Variants in SGPP2 observed in about 807,000 individuals in gnomAD.
SGPP2 encodes the protein sphingosine-1-phosphate phosphatase 2.
In SGPP2, 30 loss-of-function variants were observed where a neutral mutation model predicts 33.9. The observed-to-expected ratio is 0.89, with a 90% CI of 0.66 to 1.20. The LOEUF (loss-of-function observed/expected upper bound fraction) is 1.20, where lower values mean the gene tolerates loss of function less well. SGPP2 is among the 50% of genes most tolerant of loss of function. SGPP2 has a pLI of 0.00. For synonymous variants in SGPP2, 233 were observed against 225.0 expected, an observed-to-expected ratio of 1.04 and a Z score of -0.32; for missense variants, 458 against 532.1, an observed-to-expected ratio of 0.86 and a Z score of 1.37.
At chr2:222,454,976 G>A (rs957012773) in intron 1 of SGPP2, among the ~76,000 whole-genome samples, 3 of 152,184 alleles carry the variant, frequency 2.0e-5, no homozygotes, top group African/African-American at 7.2e-5. Context: ...AACAGCCATT[G>A]TGTTGATGCC....
Position 222,462,978 on chromosome 2 carries a change from T to C in SGPP2, c.220-11590T>C, listed in dbSNP as rs1461352155. ...GTGTATGCACCCAACTTCAAAGCTT[T>C]TCCTGAGTTTATTTTTGTGACGAAT... On this transcript the variant is annotated intron_variant, in intron 1 of 4. Coordinates refer to ENST00000321276, the MANE Select transcript of SGPP2 (RefSeq NM_152386.4). 3.3e-5 allele frequency among the ~76,000 whole-genome samples: 5 copies of C among 152,196 alleles called. No individual in the cohort carries two copies. In the East Asian group the frequency reaches 9.6e-4, roughly 29 times the overall value.
chr2:222,548,185 G>A (rs1395593568), intron 4 of SGPP2, among the ~76,000 whole-genome samples: 2 of 152,178 alleles, frequency 1.3e-5, no homozygotes, highest in African/African-American at 2.4e-5. Context: ...TAAACAATAA[G>A]TTGAACAAAG....
rs61742017 is a variant in SGPP2, at chr2:222,558,772, C to G, written c.1074C>G (p.Thr358=). ...TATACTCATGGTTCAAGGTGGTCAC[C>G]AGGAACAAGGAGGCCAGGCGGAGAC... ...QVLYSWFKVV[T]RNKEARRRLE... is the part of the protein sequence containing the mutation. The change falls in exon 5 of 5, where the codon ACC becomes ACG. Residue 358 remains threonine, a synonymous_variant. Coordinates refer to ENST00000321276, the MANE Select transcript of SGPP2 (RefSeq NM_152386.4). 0.011 allele frequency: 17,389 copies of G among 1,614,064 alleles called. 538 individuals are homozygous for G. The African/African-American group carries it at 0.11, about 10-fold the overall frequency.
chr2:222,517,257 C>T (rs1001104967), intron 2 of SGPP2, among the ~76,000 whole-genome samples: 1 of 152,312 alleles, frequency 6.6e-6, no homozygotes, highest in Admixed American at 6.5e-5. Flanking sequence ...TTTCTCACCC[C>T]CCTATCCTGT....
intron 1 of SGPP2, among the ~76,000 whole-genome samples, chr2:222,474,216 T>C (rs1377714068): frequency 6.6e-6 from 1 of 152,204 alleles, no homozygotes; most frequent in African/African-American, 2.4e-5. Context: ...GAGGGAAGCA[T>C]TACTCTGCCT....
At chr2:222,511,955 G>A (rs1163582310) in intron 2 of SGPP2, among the ~76,000 whole-genome samples, 6 of 152,082 alleles carry the variant, frequency 3.9e-5, no homozygotes, top group African/African-American at 1.4e-4. Context: ...TGGGATTACA[G>A]GTATGAGCCA....
chr2:222,530,388 C>T (rs961899039), intron 4 of SGPP2, among the ~76,000 whole-genome samples: 22 of 152,336 alleles, frequency 1.4e-4, no homozygotes, highest in South Asian at 2.1e-4. Context: ...TACATTAAAA[C>T]GCTGTTGTGT....
Position 222,558,234 on chromosome 2 carries a change from A to G in SGPP2, c.649-113A>G, listed in dbSNP as rs918463520. 46 of 1,199,806 alleles carry G rather than the reference A, an allele frequency of 3.8e-5. 1 individual carries two copies. The Middle Eastern group carries it at 1.8e-3, about 46-fold the overall frequency. The allele number at this position is 1,199,806 out of a possible 1,614,324, so 74.3% of individuals were successfully genotyped here. A position where few individuals can be genotyped will look rare whatever the true frequency, so the allele number is the denominator to read the frequency against. On this transcript the variant is annotated intron_variant, in intron 4 of 4. Coordinates refer to ENST00000321276, the MANE Select transcript of SGPP2 (RefSeq NM_152386.4). ...CTTTGAACATGTACTGTAAAATAAAACAATGCAAAAATTGTGTTTTAAATA... is the reference window on the plus strand; with the variant it reads ...CTTTGAACATGTACTGTAAAATAAAGCAATGCAAAAATTGTGTTTTAAATA...
chr2:222,514,452 C>T (rs1698574306), intron 2 of SGPP2, among the ~76,000 whole-genome samples: 1 of 152,252 alleles, frequency 6.6e-6, no homozygotes, highest in Admixed American at 6.5e-5. Flanking sequence ...CCTGCCTCTG[C>T]CTCCCACAGT....
At chr2:222,499,817 G>A (rs1403355496) in intron 2 of SGPP2, among the ~76,000 whole-genome samples, 2 of 152,146 alleles carry the variant, frequency 1.3e-5, no homozygotes, top group African/African-American at 4.8e-5. Context: ...AGCTCTAAAT[G>A]TAAATGTCTT....
intron 3 of SGPP2, among the ~76,000 whole-genome samples, chr2:222,523,896 A>G (rs1453713861): frequency 1.3e-5 from 2 of 152,202 alleles, no homozygotes; most frequent in African/African-American, 4.8e-5. Context: ...GTTAATGATA[A>G]ACCTTAAGAA....
At chr2:222,529,367 CT>C (rs1256415217) in intron 4 of SGPP2, among the ~76,000 whole-genome samples, 2 of 152,078 alleles carry the variant, frequency 1.3e-5, no homozygotes, top group African/African-American at 2.4e-5. Context: ...CAGAGTCTCA[CT>C]CTGTCACCCA....
At chr2:222,533,793 T>A (rs11690919) in intron 4 of SGPP2, among the ~76,000 whole-genome samples, 119 of 53,854 alleles carry the variant, frequency 2.2e-3, no homozygotes, top group Admixed American at 8.3e-3. Context: ...TCATTTATTT[T>A]TTTTTTTTTT....
In SGPP2 at chr2:222,562,346, G is replaced by A. The variant is rs372842621; in HGVS notation, c.*3448G>A. ...CACAAGATATTCAGAAGATGAAAAC[G>A]TAGAAGACACCCCTGAATTAAAAAC... On this transcript the variant is annotated 3_prime_UTR_variant, in exon 5 of 5. Transcript: ENST00000321276. Among the ~76,000 whole-genome samples the A allele has an allele frequency of 3.5e-4, 54 of 152,120 alleles. No individual in the cohort carries two copies. Among genetic ancestry groups the A allele is most frequent in the Non-Finnish European group, 4.6e-4 (31 of 68,028 alleles).
At chr2:222,447,677 C>T (rs529987799) in intron 1 of SGPP2, among the ~76,000 whole-genome samples, 4 of 152,192 alleles carry the variant, frequency 2.6e-5, no homozygotes, top group Non-Finnish European at 5.9e-5. Context: ...TGCTTTACTG[C>T]ATTTTACATA....
intron 2 of SGPP2, among the ~76,000 whole-genome samples, chr2:222,494,329 A>G (rs962954412): frequency 3.3e-5 from 5 of 152,258 alleles, no homozygotes; most frequent in African/African-American, 1.2e-4. Context: ...TCGTCTTTTG[A>G]CAGGAGGAAA....
chr2:222,500,778 C>T (rs1698355386), intron 2 of SGPP2, among the ~76,000 whole-genome samples: 2 of 152,178 alleles, frequency 1.3e-5, no homozygotes, highest in South Asian at 4.1e-4. Context: ...TTTTTATGCT[C>T]GTGCATTTCC....
intron 2 of SGPP2, among the ~76,000 whole-genome samples, chr2:222,512,254 G>A (rs375838560): frequency 6.0e-5 from 9 of 151,134 alleles, no homozygotes; most frequent in East Asian, 5.9e-4. Context: ...CTCGTGATCC[G>A]CCTGCCTCGG....
chr2:222,497,292 G>T (rs923962338), intron 2 of SGPP2, among the ~76,000 whole-genome samples: 1 of 128,834 alleles, frequency 7.8e-6, no homozygotes, highest in Admixed American at 9.8e-5. Context: ...TTGCTCTGTC[G>T]CCCAGGCTGG....
Sources: allele counts gnomAD v4.1 joint callset (sites outside exome capture counted in the v4.1 genomes callset), GRCh38; gene constraint gnomAD v4.1.1; transcripts MANE v1.5; gene names NCBI Gene and HGNC (gene_info 2026-07-23, HGNC 2026-07-21).